The following DCHS2 variants were observed in gnomAD, a reference collection of about 807,000 sequenced individuals.
DCHS2 encodes dachsous cadherin-related 2.
Under a neutral mutation model 182.4 loss-of-function variants are expected in DCHS2, and 142 were observed. The observed-to-expected ratio is 0.78, with a 90% CI of 0.68 to 0.89. The LOEUF (loss-of-function observed/expected upper bound fraction) is 0.89. Ranked by LOEUF, DCHS2 falls within the 40% of genes least tolerant of loss-of-function variation. DCHS2 has a pLI of 0.00. For missense variants in DCHS2, 4,319 were observed against 4,198.6 expected (o/e 1.03, Z -0.79); for synonymous variants, 1,740 against 1,663.3 (o/e 1.05, Z -1.12).
rs373114780 is a variant in DCHS2 at position 154,328,061 on chromosome 4, G to T, written c.4018+32C>A. ...ATAAATGAAAGCAGAAATCCTAAAA[G>T]TTCTTAATCCCGTATGAACAGTAAG... On this transcript the variant is annotated intron_variant, in intron 7 of 19. Transcript: ENST00000357232. 13 of 1,476,142 alleles carry T rather than the reference G, an allele frequency of 8.8e-6. No individual in the cohort carries two copies. In the African/African-American group the frequency reaches 1.6e-4, roughly 18 times the overall value. 91.4% of individuals were successfully genotyped at this position (1,476,142 alleles called of 1,614,324 possible).
In DCHS2 at chr4:154,320,626, A is replaced by G; in HGVS notation, c.4773T>C (p.Asp1591=). 1.2e-6 allele frequency: 2 copies of G among 1,614,166 alleles called. No individual in the cohort carries two copies. The highest frequency in any genetic ancestry group is 1.7e-6 in the Non-Finnish European group (2 of 1,180,018). The change falls in exon 9 of 20, where the codon GAT becomes GAC. Residue 1591 remains aspartate, a synonymous_variant. Coordinates refer to ENST00000357232, the MANE Select transcript of DCHS2 (RefSeq NM_001358235.2). ...PTVILTVTAS[D]QAVNVTDRRL... ...GCCGGTCTGTCACATTCACAGCCTGATCAGATGCTGTTACTGTCAGGATGA... is the reference window on the plus strand; with the variant it reads ...GCCGGTCTGTCACATTCACAGCCTGGTCAGATGCTGTTACTGTCAGGATGA...
chr4:154,266,687 T>G (rs1167246045), intron 14 of DCHS2, among the ~76,000 whole-genome samples: 1 of 152,010 alleles, frequency 6.6e-6, no homozygotes, highest in Non-Finnish European at 1.5e-5. Context: ...CTTGTCAGTT[T>G]TTAATCAAAG....
chr4:154,463,174 T>C lies in DCHS2; in HGVS notation c.2052+26130A>G, dbSNP rs72725339. On this transcript the variant is annotated intron_variant, in intron 1 of 19. Transcript: ENST00000357232. ...ATATATAAGTGTGTGTATATATATATACACACACACACACACAGGAATTTG... is the reference window on the plus strand; with the variant it reads ...ATATATAAGTGTGTGTATATATATACACACACACACACACACAGGAATTTG... Among the ~76,000 whole-genome samples the C allele has an allele frequency of 8.5e-3, 1,257 of 148,210 alleles. 26 individuals carry two copies. The highest frequency in any genetic ancestry group is 0.027 in the African/African-American group (1,092 of 40,548).
At chr4:154,275,019 G>T (rs967687670) in intron 13 of DCHS2, among the ~76,000 whole-genome samples, 15 of 150,594 alleles carry the variant, frequency 1.0e-4, no homozygotes, top group Middle Eastern at 3.2e-3. Flanking sequence ...TAACAAAAAT[G>T]ACCCCTAAAC....
At chr4:154,436,810 G>C (rs779243378) in intron 1 of DCHS2, among the ~76,000 whole-genome samples, 1 of 152,026 alleles carries the variant, frequency 6.6e-6, no homozygotes, top group African/African-American at 2.4e-5. Flanking sequence ...TGCACATGGA[G>C]GTATATTGTA....
At chr4:154,344,107 C>T (rs1669496175) in intron 3 of DCHS2, among the ~76,000 whole-genome samples, 1 of 152,124 alleles carries the variant, frequency 6.6e-6, no homozygotes, top group Non-Finnish European at 1.5e-5. Flanking sequence ...CAACATTTAT[C>T]AGTTATGTTA....
chr4:154,452,952 G>T (rs1020432412), intron 1 of DCHS2, among the ~76,000 whole-genome samples: 1 of 152,186 alleles, frequency 6.6e-6, no homozygotes, highest in East Asian at 1.9e-4. Flanking sequence ...ACTATGAAAT[G>T]CTAGATATTC....
intron 1 of DCHS2, among the ~76,000 whole-genome samples, chr4:154,455,699 G>A (rs1465088104): frequency 2.6e-5 from 4 of 152,224 alleles, no homozygotes; most frequent in South Asian, 4.1e-4. Flanking sequence ...ATTTTCTTTC[G>A]CTCAACACAA....
chr4:154,268,955 C>T (rs367722769), intron 14 of DCHS2: 3 of 152,254 alleles, frequency 2.0e-5, no homozygotes, highest in Non-Finnish European at 2.9e-5. Flanking sequence ...TACTCTTCTT[C>T]GTTCCTAAGC....
chr4:154,335,268 T>G (rs2111371206), intron 3 of DCHS2, 164 bp from the exon 4 acceptor site: 1 of 613,452 alleles, frequency 1.6e-6, no homozygotes, highest in East Asian at 2.8e-5. Flanking sequence ...TGAGTGTGTC[T>G]GTGAGGGTGC....
intron 13 of DCHS2, among the ~76,000 whole-genome samples, chr4:154,281,745 A>G (rs1257717664): frequency 3.3e-5 from 5 of 152,174 alleles, no homozygotes; most frequent in Admixed American, 3.3e-4. Context: ...AAGTAAAACA[A>G]AGCTAGAGGC....
intron 13 of DCHS2, among the ~76,000 whole-genome samples, chr4:154,294,401 C>A (rs763197751): frequency 2.0e-5 from 3 of 152,164 alleles, no homozygotes; most frequent in Non-Finnish European, 4.4e-5. Context: ...CAGTTTTAAA[C>A]AGTACAGCTG....
At chr4:154,424,303 G>A (rs957295425) in intron 1 of DCHS2, among the ~76,000 whole-genome samples, 1 of 152,162 alleles carries the variant, frequency 6.6e-6, no homozygotes, top group Non-Finnish European at 1.5e-5. Flanking sequence ...GTAAAGGACA[G>A]TAAAAAGGAA....
At position 154,234,843 on chromosome 4, in the gene DCHS2, T is replaced by C; in HGVS notation, c.9809A>G (p.Glu3270Gly). The change falls in exon 20 of 20, where the codon GAG (glutamate) becomes GGG (glycine). Residue 3270 changes from glutamate (E) to glycine (G), a missense_variant. Glu to Gly is a moderately conservative substitution (Grantham distance 98). Transcript: ENST00000357232. ...EHLHMPGIPK[E>G]KKSFVFPPPL... ...GGGTGGAAAAACAAAAGATTTCTTC[T>C]CTTTTGGAATGCCAGGCATATGCAA... The C allele has an allele frequency of 6.2e-7, 1 of 1,614,046 alleles. No homozygotes were observed. Among genetic ancestry groups the C allele is most frequent in the Non-Finnish European group, 8.5e-7 (1 of 1,179,946 alleles).
At chr4:154,432,393 A>G (rs1428113297) in intron 1 of DCHS2, among the ~76,000 whole-genome samples, 4 of 152,228 alleles carry the variant, frequency 2.6e-5, no homozygotes, top group African/African-American at 9.6e-5. Flanking sequence ...AACAAGCCAC[A>G]TAACTTTCAG....
chr4:154,475,767 A>G (rs928023301), intron 1 of DCHS2, among the ~76,000 whole-genome samples: 1 of 152,208 alleles, frequency 6.6e-6, no homozygotes, highest in Non-Finnish European at 1.5e-5. Context: ...AATAGCTGAA[A>G]CTTTTTAAGT....
intron 1 of DCHS2, among the ~76,000 whole-genome samples, chr4:154,396,434 C>T (rs112447376): frequency 8.3e-4 from 127 of 152,192 alleles, no homozygotes; most frequent in Non-Finnish European, 1.5e-3. Flanking sequence ...GCCCACTTGG[C>T]CACCAATTAA....
chr4:154,315,867 A>G lies in DCHS2; in HGVS notation c.5141T>C (p.Val1714Ala), dbSNP rs373943824. The G allele has an allele frequency of 2.5e-5, 40 of 1,613,910 alleles. No individual in the cohort carries two copies. Among genetic ancestry groups the G allele is most frequent in the Non-Finnish European group, 3.2e-5 (38 of 1,179,984 alleles). Residue 1714 changes from valine to alanine, a missense_variant, in exon 10 of 20, where the codon GTT becomes GCT. Val to Ala is a moderately conservative substitution (Grantham distance 64). Transcript: ENST00000357232. ...TGGAGCTTCATCATTTACATCAAGAACAGTAACTGTCAAAGTCTGGGATGA... is the reference window on the plus strand; with the variant it reads ...TGGAGCTTCATCATTTACATCAAGAGCAGTAACTGTCAAAGTCTGGGATGA... ...LSSSQTLTVT[V>A]LDVNDEAPVF...
At chr4:154,310,323 T>C (rs1415282779) in intron 10 of DCHS2, among the ~76,000 whole-genome samples, 2 of 152,206 alleles carry the variant, frequency 1.3e-5, no homozygotes, top group Non-Finnish European at 2.9e-5. Flanking sequence ...TACTGTTTGC[T>C]AGAGAGTCAG....
Sources: allele counts gnomAD v4.1 joint callset (sites outside exome capture counted in the v4.1 genomes callset), GRCh38; gene constraint gnomAD v4.1.1; transcripts MANE v1.5; gene names NCBI Gene and HGNC (gene_info 2026-07-23, HGNC 2026-07-21).